AGBL1: variants seen among roughly 807,000 people sequenced by gnomAD.
The protein encoded by AGBL1 is AGBL carboxypeptidase 1, also known as cytosolic carboxypeptidase 4.
A neutral mutation model predicts 118.9 loss-of-function variants in AGBL1; 130 were observed. That is an observed-to-expected ratio of 1.09 (90% CI 0.95 to 1.26). AGBL1 has a LOEUF of 1.26. AGBL1 is among the 50% of genes most tolerant of loss of function. The pLI is 0.00. For missense variants in AGBL1, 1,584 were observed against 1,298.1 expected, an observed-to-expected ratio of 1.22 and a Z score of -3.38; for synonymous variants, 555 against 478.9, an observed-to-expected ratio of 1.16 and a Z score of -2.08.
At chr15:86,985,614 T>C (rs1268877701) in intron 23 of AGBL1, among the ~76,000 whole-genome samples, 1 of 79,328 alleles carries the variant, frequency 1.3e-5, no homozygotes, top group Non-Finnish European at 2.8e-5. Context: ...TGTAAAAATT[T>C]TTTGTTCCAA....
chr15:86,193,941 C>G (rs927057005), intron 5 of AGBL1, among the ~76,000 whole-genome samples: 1 of 152,174 alleles, frequency 6.6e-6, no homozygotes, highest in Non-Finnish European at 1.5e-5. Flanking sequence ...CAGAGTATAA[C>G]CGGGGTCAGT....
chr15:86,350,663 G>C (rs943465519), intron 17 of AGBL1, among the ~76,000 whole-genome samples: 1 of 152,184 alleles, frequency 6.6e-6, no homozygotes, highest in Non-Finnish European at 1.5e-5. Flanking sequence ...ATGGTCTCAG[G>C]AGTCCTACAA....
chr15:86,214,043 G>A (rs1428298330), intron 5 of AGBL1, among the ~76,000 whole-genome samples: 4 of 152,224 alleles, frequency 2.6e-5, no homozygotes, highest in Non-Finnish European at 4.4e-5. Context: ...GAATGACAAC[G>A]TTTTGAAATG....
chr15:86,163,231 G>A (rs936902599), intron 5 of AGBL1, among the ~76,000 whole-genome samples: 1 of 152,230 alleles, frequency 6.6e-6, no homozygotes, highest in African/African-American at 2.4e-5. Context: ...GAGGCCAGGA[G>A]TTTGCGACCA....
intron 18 of AGBL1, among the ~76,000 whole-genome samples, chr15:86,490,759 A>G (rs966659158): frequency 2.6e-5 from 4 of 152,096 alleles, no homozygotes; most frequent in Non-Finnish European, 5.9e-5. Context: ...ATACTGAAAT[A>G]TTGTTTCTCA....
At chr15:86,583,018 A>T (rs975962069) in intron 21 of AGBL1, among the ~76,000 whole-genome samples, 1 of 151,984 alleles carries the variant, frequency 6.6e-6, no homozygotes, top group Non-Finnish European at 1.5e-5. Flanking sequence ...TAATAACAAT[A>T]AAAAAAAGTT....
chr15:86,285,822 T>G (rs1982942), intron 16 of AGBL1, among the ~76,000 whole-genome samples: 25,789 of 152,176 alleles, frequency 0.17, 2,380 homozygotes, highest in Admixed American at 0.21. Flanking sequence ...CGTCCAACAT[T>G]TGCTGCTTGG....
rs144859478 is a variant in AGBL1, at chr15:86,645,973, A to G, written c.2995-28300A>G. Among the ~76,000 whole-genome samples, 259 of 152,310 alleles carry G rather than the reference A, an allele frequency of 1.7e-3. 4 individuals are homozygous for G. In the East Asian group the frequency reaches 0.021, roughly 12 times the overall value. On this transcript the variant is annotated intron_variant, in intron 21 of 22. Coordinates refer to ENST00000614907, the MANE Select transcript of AGBL1 (RefSeq NM_001386094.1). ...AAGCTTGACTTCTGACCACATGTCA[A>G]TCAGGCATTGTTTTCGGCTTGAGTC... is the stretch of plus-strand genomic sequence containing the variant.
At chr15:86,401,449 T>A (rs2081444378) in intron 18 of AGBL1, among the ~76,000 whole-genome samples, 1 of 152,214 alleles carries the variant, frequency 6.6e-6, no homozygotes, top group South Asian at 2.1e-4. Flanking sequence ...CAGGAGCTTT[T>A]TAGTTTAATT....
rs143567277 is a variant in AGBL1 at position 86,438,436 on chromosome 15, G to T, written c.2555+40890G>T. 2.2e-3 allele frequency among the ~76,000 whole-genome samples: 334 copies of T among 151,996 alleles called. 4 individuals carry two copies. The highest frequency in any genetic ancestry group is 7.7e-3 in the African/African-American group (317 of 41,426). On this transcript the variant is annotated intron_variant, in intron 18 of 22. Transcript: ENST00000614907. ...CTCTCTACTCCTTAAAATAACATTCGCTTTATCAGAAATGACCTCCTTATC... is the reference window on the plus strand; with the variant it reads ...CTCTCTACTCCTTAAAATAACATTCTCTTTATCAGAAATGACCTCCTTATC...
rs571790154 is a variant in AGBL1 at position 86,151,786 on chromosome 15, C to T, written c.263-2644C>T. On this transcript the variant is annotated intron_variant, in intron 3 of 22. Transcript: ENST00000614907. The stretch of plus-strand genomic sequence containing the variant: ...GTATGTTTAGAAAACCCTATCATCT[C>T]AGCCCAAAATCTCCTTAAGCTGATA... Among the ~76,000 whole-genome samples, 5 of 152,314 alleles carry T rather than the reference C, an allele frequency of 3.3e-5. 1 individual carries two copies. In the South Asian group the frequency reaches 1.0e-3, roughly 32 times the overall value.
At chr15:86,262,367 G>A (rs927849434) in intron 9 of AGBL1, among the ~76,000 whole-genome samples, 3 of 152,054 alleles carry the variant, frequency 2.0e-5, no homozygotes, top group African/African-American at 7.2e-5. Flanking sequence ...CCTGCTCACA[G>A]TCGGTGCTGA....
chr15:86,812,477 G>GA (rs1380562773), intron 22 of AGBL1, among the ~76,000 whole-genome samples: 1 of 152,174 alleles, frequency 6.6e-6, no homozygotes, highest in Non-Finnish European at 1.5e-5. Flanking sequence ...AAACAAAACA[G>GA]AAAAACAGTT....
intron 21 of AGBL1, among the ~76,000 whole-genome samples, chr15:86,557,263 G>C (rs922709038): frequency 3.9e-5 from 6 of 152,130 alleles, no homozygotes; most frequent in African/African-American, 1.4e-4. Flanking sequence ...GCATCCTTTG[G>C]GGGCTCATTT....
At chr15:86,916,661 C>G (rs372967298), downstream of AGBL1, among the ~76,000 whole-genome samples, 1 of 152,304 alleles carries the variant, frequency 6.6e-6, no homozygotes, top group East Asian at 1.9e-4. Flanking sequence ...ACCCTTTCCT[C>G]TGGGTCTCAG....
intron 18 of AGBL1, among the ~76,000 whole-genome samples, chr15:86,428,488 ATCTATT>A (rs780467465): frequency 1.3e-4 from 20 of 152,234 alleles, no homozygotes; most frequent in African/African-American, 1.9e-4. Flanking sequence ...ATCAGAAATA[ATCTATT>A]TCTCAGAGTC....
intron 5 of AGBL1, among the ~76,000 whole-genome samples, chr15:86,159,746 G>A (rs1364571967): frequency 2.6e-5 from 4 of 152,078 alleles, no homozygotes; most frequent in Non-Finnish European, 5.9e-5. Flanking sequence ...CAATTTCCAA[G>A]ATAGATGGGA....
At chr15:87,002,038 C>G (rs1395996106) in intron 24 of AGBL1, among the ~76,000 whole-genome samples, 2 of 152,038 alleles carry the variant, frequency 1.3e-5, no homozygotes, top group Non-Finnish European at 2.9e-5. Flanking sequence ...GTGTTTTAGG[C>G]ATGAAGTCCT....
At chr15:86,925,186 G>GAAGAGGAGGAA (rs1555463597) in intron 23 of AGBL1, among the ~76,000 whole-genome samples, 1 of 138,212 alleles carries the variant, frequency 7.2e-6, no homozygotes, top group African/African-American at 2.8e-5. Context: ...AGAGGAAGAG[G>GAAGAGGAGGAA]AAGAAAAGAA....
Sources: allele counts gnomAD v4.1 joint callset (sites outside exome capture counted in the v4.1 genomes callset), GRCh38; gene constraint gnomAD v4.1.1; transcripts MANE v1.5; gene names NCBI Gene and HGNC (gene_info 2026-07-23, HGNC 2026-07-21).